Variants in PCNX1 observed in about 807,000 individuals in gnomAD.
PCNX1 encodes pecanex-like protein 1.
PCNX1 carries 78 observed loss-of-function variants against 242.2 expected under a neutral mutation model. The ratio of observed to expected loss-of-function variants is 0.32; its 90% CI spans 0.27 to 0.39. The LOEUF (loss-of-function observed/expected upper bound fraction) is 0.39. Ranked by LOEUF, PCNX1 falls within the 10% of genes least tolerant of loss-of-function variation. The pLI is 1.00. For missense variants in PCNX1, 2,581 were observed against 2,856.5 expected (o/e 0.90, Z 2.20); for synonymous variants, 1,024 against 1,032.9 (o/e 0.99, Z 0.17).
chr14:71,004,510 A>G (rs1192255408), intron 8 of PCNX1, among the ~76,000 whole-genome samples: 2 of 152,220 alleles, frequency 1.3e-5, no homozygotes, highest in East Asian at 1.9e-4. Flanking sequence ...TGAGAATCCA[A>G]TGCCTGATGA....
chr14:71,059,555 T>G (rs945258845), intron 26 of PCNX1, among the ~76,000 whole-genome samples: 5 of 151,982 alleles, frequency 3.3e-5, no homozygotes, highest in Non-Finnish European at 7.4e-5. Context: ...GGCTAATTTT[T>G]TTTTAATTTT....
intron 10 of PCNX1, 27 bp from the exon 11 acceptor site, chr14:71,012,958 A>G (rs1232166897): frequency 7.3e-7 from 1 of 1,374,688 alleles, no homozygotes; most frequent in Admixed American, 1.7e-5. Flanking sequence ...AGATATTTTA[A>G]GCCTTTCAAT....
At chr14:70,928,047 T>C (rs1015415219) in intron 1 of PCNX1, among the ~76,000 whole-genome samples, 1 of 152,162 alleles carries the variant, frequency 6.6e-6, no homozygotes, top group Non-Finnish European at 1.5e-5. Flanking sequence ...ATAGTTTGAC[T>C]CTTCCTTTGA....
At chr14:71,066,256 T>C (rs1411707016) in intron 26 of PCNX1, among the ~76,000 whole-genome samples, 1 of 152,224 alleles carries the variant, frequency 6.6e-6, no homozygotes, top group African/African-American at 2.4e-5. Flanking sequence ...CATGGAATGT[T>C]TTTCCATTTG....
chr14:71,083,480 G>T (rs2061907001), intron 28 of PCNX1, among the ~76,000 whole-genome samples: 1 of 152,028 alleles, frequency 6.6e-6, no homozygotes, highest in South Asian at 2.1e-4. Context: ...TCACTTTCAG[G>T]TACACCAATC....
At chr14:70,910,950 G>C (rs2055876515) in intron 1 of PCNX1, among the ~76,000 whole-genome samples, 1 of 152,200 alleles carries the variant, frequency 6.6e-6, no homozygotes, top group South Asian at 2.1e-4. Flanking sequence ...CTTATAGTCA[G>C]GGGATGAACC....
intron 19 of PCNX1, among the ~76,000 whole-genome samples, chr14:71,042,467 C>T (rs534485974): frequency 6.6e-5 from 10 of 151,868 alleles, no homozygotes; most frequent in Non-Finnish European, 8.8e-5. Flanking sequence ...TTTATTTTGT[C>T]TGATACAAGT....
intron 8 of PCNX1, among the ~76,000 whole-genome samples, chr14:71,005,835 G>GT (rs1474069930): frequency 6.6e-6 from 1 of 151,606 alleles, no homozygotes; most frequent in Non-Finnish European, 1.5e-5. Context: ...CAAAAGAATG[G>GT]TTGTGTGTAA....
In PCNX1 at chr14:71,055,545, A is replaced by G; in HGVS notation, c.4619A>G (p.Gln1540Arg). 1 of 1,604,956 alleles carries G rather than the reference A, an allele frequency of 6.2e-7. No individual in the cohort carries two copies. Among genetic ancestry groups the G allele is most frequent in the Non-Finnish European group, 8.5e-7 (1 of 1,172,502 alleles). The part of the protein sequence containing the change: ...VDHSNTRLAS[Q>R]LDRNPGSDDN... ...CATTCAAATACCAGATTGGCTTCCCAGCTTGATAGAAATCCAGGTAATAGC... is the reference window on the plus strand; with the variant it reads ...CATTCAAATACCAGATTGGCTTCCCGGCTTGATAGAAATCCAGGTAATAGC... The change falls in exon 25 of 36, where the codon CAG becomes CGG. Residue 1540 changes from glutamine to arginine, a missense_variant. Physicochemically the swap from Gln to Arg is conservative, Grantham distance 43. Transcript: ENST00000304743.
intron 26 of PCNX1, among the ~76,000 whole-genome samples, chr14:71,062,041 C>T (rs1293177361): frequency 1.3e-5 from 2 of 152,080 alleles, no homozygotes; most frequent in African/African-American, 4.8e-5. Flanking sequence ...ACCATAACAC[C>T]AAAAGGTTTT....
intron 16 of PCNX1, 51 bp downstream of exon 16, chr14:71,028,842 G>T: frequency 8.9e-7 from 1 of 1,120,736 alleles, no homozygotes; most frequent in South Asian, 1.5e-5. Context: ...ATTTCTATAT[G>T]AAGGTTGTTT....
intron 1 of PCNX1, among the ~76,000 whole-genome samples, chr14:70,931,988 T>C (rs951728458): frequency 9.9e-5 from 15 of 152,220 alleles, no homozygotes; most frequent in African/African-American, 3.6e-4. Context: ...CTGGGCGTGG[T>C]GGCACATACC....
Position 71,103,447 on chromosome 14 carries a change from T to C in PCNX1, c.5873T>C (p.Val1958Ala). 1.2e-6 allele frequency: 2 copies of C among 1,614,190 alleles called. No individual in the cohort carries two copies. Among genetic ancestry groups the C allele is most frequent in the Non-Finnish European group, 1.7e-6 (2 of 1,180,024 alleles). The change falls in exon 32 of 36, where the codon GTT becomes GCT. Residue 1958 changes from valine (V) to alanine (A), a missense_variant. By Grantham distance (64) the Val-to-Ala change is moderately conservative. Transcript: ENST00000304743. Reference protein sequence around the residue: ...GLWAGQQQELVFLRNRNPERG... With the variant: ...GLWAGQQQELAFLRNRNPERG... ...TGGGCAGGGCAACAGCAGGAGCTTG[T>C]TTTTCTACGTAACCGTAACCCAGAG...
chr14:70,907,770 G>A lies in PCNX1; in HGVS notation c.-81G>A. The stretch of plus-strand genomic sequence containing the variant: ...AGGTGGATAGACGGGGCAGCTGCAG[G>A]CTCCGGCGACCGAGGCCGAGCTGGG... On this transcript the variant is annotated 5_prime_UTR_variant, in exon 1 of 36. Transcript: ENST00000304743. The A allele has an allele frequency of 1.7e-6, 2 of 1,190,614 alleles. No individual in the cohort carries two copies. The highest frequency in any genetic ancestry group is 2.1e-6 in the Non-Finnish European group (2 of 962,470). The allele number at this position is 1,190,614 out of a possible 1,614,324, so 73.8% of individuals were successfully genotyped here. A position where few individuals can be genotyped will look rare whatever the true frequency, so the allele number is the denominator to read the frequency against.
intron 1 of PCNX1, among the ~76,000 whole-genome samples, chr14:70,923,856 A>G (rs1345201853): frequency 6.6e-6 from 1 of 152,154 alleles, no homozygotes; most frequent in African/African-American, 2.4e-5. Context: ...GTCATTTCAC[A>G]TGTGTCCAGG....
intron 18 of PCNX1, among the ~76,000 whole-genome samples, chr14:71,035,768 G>A (rs755409545): frequency 2.0e-5 from 3 of 152,100 alleles, no homozygotes; most frequent in Admixed American, 6.5e-5. Flanking sequence ...TATTAGCTGG[G>A]TATGGTGGGG....
intron 28 of PCNX1, among the ~76,000 whole-genome samples, chr14:71,080,938 T>A (rs2061838849): frequency 6.6e-6 from 1 of 152,212 alleles, no homozygotes; most frequent in Non-Finnish European, 1.5e-5. Flanking sequence ...GGCATCCTTG[T>A]CTTGTGCCGG....
At chr14:70,924,382 C>T (rs2056506344) in intron 1 of PCNX1, among the ~76,000 whole-genome samples, 1 of 152,096 alleles carries the variant, frequency 6.6e-6, no homozygotes, top group Non-Finnish European at 1.5e-5. Context: ...CCGGTTTCTC[C>T]TCTTGTTAAC....
chr14:70,929,619 G>A (rs1409004244), intron 1 of PCNX1, among the ~76,000 whole-genome samples: 1 of 152,132 alleles, frequency 6.6e-6, no homozygotes, highest in Non-Finnish European at 1.5e-5. Flanking sequence ...ATAAGAATAT[G>A]TACTTATGTG....
Sources: gnomAD v4.1 joint callset for allele counts (sites outside exome capture counted in the v4.1 genomes callset) on GRCh38, gnomAD v4.1.1 for gene constraint, MANE v1.5 for transcripts, NCBI Gene and HGNC (gene_info 2026-07-23, HGNC 2026-07-21) for gene names.